The following RNF220 variants were observed in gnomAD, a reference collection of about 807,000 sequenced individuals.
RNF220 encodes ring finger protein 220.
In RNF220, 7 loss-of-function variants were observed where a neutral mutation model predicts 67.1. The observed-to-expected ratio is 0.10, with a 90% confidence interval of 0.06 to 0.20. The LOEUF is 0.20. RNF220 is among the 10% of genes least tolerant of loss of function. The pLI is 1.00. For missense variants in RNF220, 565 were observed against 740.3 expected, an observed-to-expected ratio of 0.76 and a Z score of 2.75; for synonymous variants, 270 against 283.2, an observed-to-expected ratio of 0.95 and a Z score of 0.47.
chr1:44,518,102 C>G (rs1558004425), intron 2 of RNF220, among the ~76,000 whole-genome samples: 1 of 151,650 alleles, frequency 6.6e-6, no homozygotes, highest in African/African-American at 2.4e-5. Context: ...AAGACTCCGT[C>G]TAAAAATAAA....
chr1:44,567,442 A>G (rs1259128113), intron 2 of RNF220, among the ~76,000 whole-genome samples: 1 of 152,118 alleles, frequency 6.6e-6, no homozygotes, highest in African/African-American at 2.4e-5. Context: ...CTCCTGCTCC[A>G]GGGAAGGGGC....
rs1659561275 is a variant in RNF220 at position 44,517,649 on chromosome 1, T to G, written c.626-96516T>G. Among the ~76,000 whole-genome samples the G allele has an allele frequency of 1.3e-5, 2 of 152,222 alleles. 1 individual carries two copies. Among genetic ancestry groups the G allele is most frequent in the South Asian group, 4.1e-4 (2 of 4,832 alleles). ...GGGCAGCACTGTGTTTCTTTATATT[T>G]TTAGAGACCAGGGTCTTGCTCTGTC... is the stretch of plus-strand genomic sequence containing the variant. On this transcript the variant is annotated intron_variant, in intron 2 of 14. Coordinates refer to ENST00000361799, the MANE Select transcript of RNF220 (RefSeq NM_018150.4).
At chr1:44,427,290 G>T (rs1362581543) in intron 2 of RNF220, among the ~76,000 whole-genome samples, 7 of 152,166 alleles carry the variant, frequency 4.6e-5, no homozygotes, top group Non-Finnish European at 8.8e-5. Context: ...GATTCACGAG[G>T]TAACAAGAAT....
At chr1:44,554,685 C>G (rs1295613125) in intron 2 of RNF220, among the ~76,000 whole-genome samples, 1 of 152,146 alleles carries the variant, frequency 6.6e-6, no homozygotes, top group Non-Finnish European at 1.5e-5. Context: ...ACCCAGTGCC[C>G]TGCATCAGAG....
intron 2 of RNF220, among the ~76,000 whole-genome samples, chr1:44,460,759 C>G (rs1013706534): frequency 2.4e-4 from 37 of 152,316 alleles, no homozygotes; most frequent in African/African-American, 8.2e-4. Flanking sequence ...GGTACAGCCT[C>G]ACATGCTAGC....
At chr1:44,546,447 A>G (rs1025681731) in intron 2 of RNF220, among the ~76,000 whole-genome samples, 2 of 151,966 alleles carry the variant, frequency 1.3e-5, no homozygotes, top group Non-Finnish European at 2.9e-5. Context: ...TCACTCCCCT[A>G]TATAATATTC....
At chr1:44,550,722 A>G (rs1662559593) in intron 2 of RNF220, among the ~76,000 whole-genome samples, 1 of 152,164 alleles carries the variant, frequency 6.6e-6, no homozygotes, top group Non-Finnish European at 1.5e-5. Context: ...AAAGTATAAC[A>G]TAGCTAGGCT....
chr1:44,577,335 C>A (rs1419927444), intron 2 of RNF220, among the ~76,000 whole-genome samples: 2 of 152,032 alleles, frequency 1.3e-5, no homozygotes, highest in Non-Finnish European at 2.9e-5. Flanking sequence ...CCAGCTTCTC[C>A]CCTCTCCCCA....
Position 44,645,000 on chromosome 1 carries a change from C to G in RNF220, c.1229C>G (p.Thr410Arg), listed in dbSNP as rs1478180216. 1 of 1,613,946 alleles carries G rather than the reference C, an allele frequency of 6.2e-7. No homozygotes were observed. ...GTCCTTGACCACCATGCCAGATACA[C>G]AGAGGCTGATGTCATCCCCTGCACA... ...DTLEYGKPQY[T>R]EADVIPCTGE... The change falls in exon 10 of 15, where the codon ACA becomes AGA. Residue 410 changes from threonine to arginine, a missense_variant. By Grantham distance (71) the Thr-to-Arg change is moderately conservative (BLOSUM62 -1). Coordinates refer to ENST00000361799, the MANE Select transcript of RNF220 (RefSeq NM_018150.4).
At chr1:44,631,872 C>A in intron 5 of RNF220, 1 of 980,382 alleles carries the variant, frequency 1.0e-6, no homozygotes, top group South Asian at 4.7e-5. Flanking sequence ...GGTTGCTACC[C>A]GAGTACAAAC....
In RNF220 at chr1:44,645,222, G is replaced by A; in HGVS notation, c.1312G>A (p.Gly438Ser). ...REALRGAVLNGGPPSTRITPE... is the reference protein window; with the variant it reads ...REALRGAVLNSGPPSTRITPE... ...TTTTTCCTCCCTCCTTTCCTCCAGT[G>A]GCGGCCCTCCCAGCACGCGCATCAC... Residue 438 changes from glycine to serine, a missense_variant and splice_region_variant, in exon 11 of 15, where the codon GGC becomes AGC. Transcript: ENST00000361799. The surrounding 1 kb of genome is among the most constrained non-coding windows in gnomAD (Gnocchi z 5.0). 6.2e-7 allele frequency: 1 copy of A among 1,614,092 alleles called. No homozygotes were observed. Among genetic ancestry groups the A allele is most frequent in the Non-Finnish European group, 8.5e-7 (1 of 1,180,014 alleles).
chr1:44,491,694 C>T (rs1656868615), intron 2 of RNF220, among the ~76,000 whole-genome samples: 1 of 151,774 alleles, frequency 6.6e-6, no homozygotes, highest in Admixed American at 6.6e-5. Flanking sequence ...GACAAGGTCT[C>T]ACTCTGTCGT....
At chr1:44,556,411 T>C (rs147089284) in intron 2 of RNF220, among the ~76,000 whole-genome samples, 1 of 150,792 alleles carries the variant, frequency 6.6e-6, no homozygotes, top group Non-Finnish European at 1.5e-5. Context: ...TGCTCCCTAG[T>C]CAATTAATGA....
intron 2 of RNF220, among the ~76,000 whole-genome samples, chr1:44,436,081 C>T (rs1396838218): frequency 1.3e-5 from 2 of 152,054 alleles, no homozygotes; most frequent in Non-Finnish European, 2.9e-5. Context: ...AATGTATATG[C>T]CTCCTTGACA....
At position 44,632,329 on chromosome 1, in the gene RNF220, C is replaced by T. The variant is rs1338838255; in HGVS notation, c.907-14C>T. 1.2e-6 allele frequency: 2 copies of T among 1,614,032 alleles called. No homozygotes were observed. The highest frequency in any genetic ancestry group is 1.3e-5 in the African/African-American group (1 of 74,940). On this transcript the variant is annotated splice_polypyrimidine_tract_variant and intron_variant, in intron 5 of 14. Coordinates refer to ENST00000361799, the MANE Select transcript of RNF220 (RefSeq NM_018150.4). ...TCTTTTCTTTTCTTGCATCTGCCCG[C>T]GATCTTCTCCCAGACCTTTCTGCGA... is the stretch of plus-strand genomic sequence containing the variant.
At position 44,553,336 on chromosome 1, in the gene RNF220, CATG is replaced by C. The variant is rs1662818697; in HGVS notation, c.626-60826_626-60824del. On this transcript the variant is annotated intron_variant, in intron 2 of 14. Transcript: ENST00000361799. The stretch of plus-strand genomic sequence containing the variant: ...ATGGTGACTAGCATAGTATCTTGAA[CATG>C]ATAAGTGCCCTACAAATATTTGCTG... 2.6e-5 allele frequency among the ~76,000 whole-genome samples: 4 copies of C among 152,108 alleles called. No homozygotes were observed. In the South Asian group the frequency reaches 8.3e-4, roughly 32 times the overall value.
At chr1:44,510,134 G>A (rs1658860834) in intron 2 of RNF220, among the ~76,000 whole-genome samples, 1 of 151,458 alleles carries the variant, frequency 6.6e-6, no homozygotes, top group Admixed American at 6.6e-5. Context: ...AGCTACTCAG[G>A]AGGCTGAGGT....
At chr1:44,443,739 CAT>C (rs1056273023) in intron 2 of RNF220, among the ~76,000 whole-genome samples, 16 of 152,244 alleles carry the variant, frequency 1.1e-4, no homozygotes, top group Admixed American at 7.8e-4. Context: ...GTGCACAAGA[CAT>C]GTGTACAGTT....
intron 2 of RNF220, among the ~76,000 whole-genome samples, chr1:44,526,674 T>C (rs1320607872): frequency 6.6e-6 from 1 of 152,182 alleles, no homozygotes; most frequent in Non-Finnish European, 1.5e-5. Context: ...TCTCTCTGCC[T>C]TCACACACCC....
Sources: allele counts gnomAD v4.1 joint callset (sites outside exome capture counted in the v4.1 genomes callset), GRCh38; gene constraint gnomAD v4.1.1; non-coding constraint Gnocchi (gnomAD v3.1); transcripts MANE v1.5; gene names NCBI Gene and HGNC (gene_info 2026-07-23, HGNC 2026-07-21).